The following CRACDL variants were observed in gnomAD, a reference collection of about 807,000 sequenced individuals.
CRACDL encodes CRACD like.
Under a neutral mutation model 70.6 loss-of-function variants are expected in CRACDL, and 26 were observed. That is an observed-to-expected ratio of 0.37 (90% CI 0.27 to 0.51). CRACDL has a LOEUF of 0.51. Ranked by LOEUF, CRACDL falls within the 20% of genes least tolerant of loss-of-function variation. The pLI is 0.94. For synonymous variants in CRACDL, 618 were observed against 615.2 expected (o/e 1.00, Z -0.07); for missense variants, 1,283 against 1,376.9 (o/e 0.93, Z 1.08).
In CRACDL at chr2:98,823,408, T is replaced by C. The variant is rs751200694; in HGVS notation, c.865A>G (p.Arg289Gly). The C allele has an allele frequency of 6.4e-7, 1 of 1,562,106 alleles. No homozygotes were observed. Among genetic ancestry groups the C allele is most frequent in the Non-Finnish European group, 8.6e-7 (1 of 1,162,158 alleles). Reference sequence around the variant, plus strand: ...GCCGGTGGCCCAGGCTCAGGGCCTCTGTCTGGCGCCACGTCCTGCTGCCCA... The same window carrying C: ...GCCGGTGGCCCAGGCTCAGGGCCTCCGTCTGGCGCCACGTCCTGCTGCCCA... The part of the protein sequence containing the change: ...SSGQQDVAPD[R>G]GPEPGPPAPL... Residue 289 changes from arginine to glycine, a missense_variant, in exon 7 of 10, where the codon AGA becomes GGA. Arg to Gly is a moderately radical substitution (Grantham distance 125). Around this residue, in one of 2 missense-constraint regions of CRACDL, gnomAD observed 362 missense variants for 495.0 expected, o/e 0.73. Transcript: ENST00000397899. The surrounding 1 kb of genome is among the most constrained non-coding windows in gnomAD (Gnocchi z 4.0).
intron 1 of CRACDL, among the ~76,000 whole-genome samples, chr2:98,907,156 G>A (rs542472705): frequency 1.3e-5 from 2 of 152,268 alleles, no homozygotes; most frequent in East Asian, 3.9e-4. Context: ...GCTGGGCATG[G>A]TGGTGGGCAC....
chr2:98,931,440 G>C (rs540700299), intron 1 of CRACDL, among the ~76,000 whole-genome samples: 1 of 152,076 alleles, frequency 6.6e-6, no homozygotes, highest in African/African-American at 2.4e-5. Context: ...ATATGGGGCA[G>C]TGTTTCCGAG....
chr2:98,822,623 C>G lies in CRACDL; in HGVS notation c.1650G>C (p.Ala550=). The change falls in exon 7 of 10, where the codon GCG becomes GCC. Residue 550 remains alanine (A), a synonymous_variant. Coordinates refer to ENST00000397899, the MANE Select transcript of CRACDL (RefSeq NM_207362.3). The surrounding 1 kb of genome is among the most constrained non-coding windows in gnomAD (Gnocchi z 4.9). ...GCTCTGGCGCCGCCCTCTCGGCGCC[C>G]GCCGGTGGCGCCTCGGCTCGCTCGG... ...PKAERAEAPP[A]GAERAAPERK... 7.3e-7 allele frequency: 1 copy of G among 1,370,194 alleles called. No homozygotes were observed. The highest frequency in any genetic ancestry group is 9.3e-7 in the Non-Finnish European group (1 of 1,071,032). 84.9% of individuals were successfully genotyped at this position (1,370,194 alleles called of 1,614,324 possible).
Position 98,869,144 on chromosome 2 carries a change from T to C in CRACDL, c.-10-22334A>G. 2 of 1,304,318 alleles carry C rather than the reference T, an allele frequency of 1.5e-6. 1 individual carries two copies. Among genetic ancestry groups the C allele is most frequent in the Non-Finnish European group, 2.0e-6 (2 of 988,948 alleles). The allele number at this position is 1,304,318 out of a possible 1,614,324, so 80.8% of individuals were successfully genotyped here. A position where few individuals can be genotyped will look rare whatever the true frequency, so the allele number is the denominator to read the frequency against. On this transcript the variant is annotated intron_variant, in intron 1 of 9. Transcript: ENST00000397899. ...CCTGAGTGTGCTGTGAGCCTCCAGC[T>C]CTCTCATCCTCCTGGAAGCTAGCAG...
chr2:98,843,382 C>T (rs1706120425), intron 2 of CRACDL, among the ~76,000 whole-genome samples: 2 of 152,060 alleles, frequency 1.3e-5, no homozygotes, highest in Admixed American at 1.3e-4. Context: ...TTTCACAGAC[C>T]ATATTTTAAA....
At position 98,835,955 on chromosome 2, in the gene CRACDL, A is replaced by T. The variant is rs182852086; in HGVS notation, c.239+2164T>A. Among the ~76,000 whole-genome samples the T allele has an allele frequency of 4.6e-5, 7 of 152,332 alleles. No homozygotes were observed. The East Asian group carries it at 1.4e-3, about 29-fold the overall frequency. On this transcript the variant is annotated intron_variant, in intron 3 of 9. Transcript: ENST00000397899. ...AGGTGACTCATCATGGGATGTGACA[A>T]CAACCAGCACCTGCTTGAACCTGAC...
intron 1 of CRACDL, among the ~76,000 whole-genome samples, chr2:98,852,654 T>G (rs1706527704): frequency 6.6e-6 from 1 of 152,006 alleles, no homozygotes; most frequent in South Asian, 2.1e-4. Flanking sequence ...CACATGGAAA[T>G]CATCAAGATG....
At chr2:98,816,055 T>C (rs777303006) in intron 7 of CRACDL, among the ~76,000 whole-genome samples, 5 of 151,300 alleles carry the variant, frequency 3.3e-5, no homozygotes, top group South Asian at 2.1e-4. Flanking sequence ...GGTGGGGGGG[T>C]GCAGTAGGAT....
chr2:98,829,136 A>G (rs1705436151), intron 5 of CRACDL, among the ~76,000 whole-genome samples: 1 of 152,052 alleles, frequency 6.6e-6, no homozygotes, highest in Admixed American at 6.6e-5. Flanking sequence ...ACCCCTGACC[A>G]CTCCTCTTTA....
chr2:98,892,868 T>C (rs1248034872), intron 1 of CRACDL, among the ~76,000 whole-genome samples: 1 of 152,128 alleles, frequency 6.6e-6, no homozygotes, highest in Non-Finnish European at 1.5e-5. Context: ...AGAAACCCAC[T>C]GCACCCTTCC....
intron 1 of CRACDL, among the ~76,000 whole-genome samples, chr2:98,900,815 T>C (rs1232858807): frequency 6.6e-6 from 1 of 152,130 alleles, no homozygotes; most frequent in African/African-American, 2.4e-5. Flanking sequence ...GGGAGAAATC[T>C]GGCCACTCCA....
At chr2:98,852,553 C>A (rs1706523562) in intron 1 of CRACDL, among the ~76,000 whole-genome samples, 1 of 151,842 alleles carries the variant, frequency 6.6e-6, no homozygotes, top group African/African-American at 2.4e-5. Flanking sequence ...CCAACAAAGA[C>A]TTTAAAGAAG....
At chr2:98,863,014 CAT>C (rs1491241226) in intron 1 of CRACDL, among the ~76,000 whole-genome samples, 6 of 151,964 alleles carry the variant, frequency 3.9e-5, no homozygotes, top group Admixed American at 2.6e-4. Context: ...CATACACACA[CAT>C]ATGTTTATGT....
chr2:98,831,349 A>G (rs556566638), intron 5 of CRACDL, among the ~76,000 whole-genome samples: 1 of 152,342 alleles, frequency 6.6e-6, no homozygotes, highest in African/African-American at 2.4e-5. Context: ...TTGGTGTGGC[A>G]GGGTGTATAG....
chr2:98,811,016 CA>C (rs1243418698), intron 7 of CRACDL, among the ~76,000 whole-genome samples: 1 of 150,816 alleles, frequency 6.6e-6, no homozygotes, highest in Non-Finnish European at 1.5e-5. Flanking sequence ...AGTGAAAGTG[CA>C]AGCCAAGATG....
intron 1 of CRACDL, among the ~76,000 whole-genome samples, chr2:98,900,772 C>G (rs1708257970): frequency 6.6e-6 from 1 of 152,112 alleles, no homozygotes; most frequent in East Asian, 1.9e-4. Context: ...GACTTGGCAC[C>G]CTGAAAATGA....
At chr2:98,851,720 TAG>T (rs898007264) in intron 1 of CRACDL, among the ~76,000 whole-genome samples, 1 of 152,190 alleles carries the variant, frequency 6.6e-6, no homozygotes, top group Non-Finnish European at 1.5e-5. Flanking sequence ...AGTGCCAACA[TAG>T]ATTCTAAACT....
chr2:98,931,477 C>T (rs1379784872), intron 1 of CRACDL, among the ~76,000 whole-genome samples: 3 of 152,140 alleles, frequency 2.0e-5, no homozygotes, highest in Non-Finnish European at 2.9e-5. Context: ...CTGCACACCC[C>T]GCAGCTAATG....
chr2:98,927,958 A>C (rs1302373821), intron 1 of CRACDL, among the ~76,000 whole-genome samples: 1 of 152,136 alleles, frequency 6.6e-6, no homozygotes, highest in Admixed American at 6.5e-5. Context: ...AGGCAGGTGG[A>C]TCACTTGAGG....
Sources: gnomAD v4.1 joint callset for allele counts (sites outside exome capture counted in the v4.1 genomes callset) on GRCh38, gnomAD v4.1.1 for gene constraint, gnomAD v4.1.1 regional missense constraint, Gnocchi (gnomAD v3.1) non-coding constraint, MANE v1.5 for transcripts, NCBI Gene and HGNC (gene_info 2026-07-23, HGNC 2026-07-21) for gene names.